Variants in RASSF9 observed in about 807,000 individuals in gnomAD.
RASSF9 encodes ras association domain-containing protein 9.
RASSF9 carries 18 observed loss-of-function variants against 21.4 expected under a neutral mutation model. That is an observed-to-expected ratio of 0.84 (90% CI 0.58 to 1.25). The LOEUF is 1.25. RASSF9 is among the 50% of genes most tolerant of loss of function. The pLI, the probability that RASSF9 is intolerant of heterozygous loss-of-function variation, is 0.00. For synonymous variants in RASSF9, 183 were observed against 179.1 expected, an observed-to-expected ratio of 1.02 and a Z score of -0.18; for missense variants, 480 against 503.2, an observed-to-expected ratio of 0.95 and a Z score of 0.44.
intron 1 of RASSF9, among the ~76,000 whole-genome samples, chr12:85,809,711 A>C (rs930862964): frequency 3.4e-5 from 5 of 145,170 alleles, no homozygotes; most frequent in Admixed American, 2.7e-4. Context: ...GATGATGATG[A>C]TGTATGTGAC....
intron 1 of RASSF9, among the ~76,000 whole-genome samples, chr12:85,831,725 C>A (rs1880455611): frequency 6.6e-6 from 1 of 151,878 alleles, no homozygotes; most frequent in African/African-American, 2.4e-5. Context: ...AATAATTTCC[C>A]ACTCTGCAGA....
rs548718647 is a variant in RASSF9, at chr12:85,806,459, G to C, written c.48-497C>G. 3.3e-5 allele frequency among the ~76,000 whole-genome samples: 5 copies of C among 150,330 alleles called. No homozygotes were observed. In the South Asian group the frequency reaches 8.4e-4, roughly 25 times the overall value. On this transcript the variant is annotated intron_variant, in intron 1 of 1. Coordinates refer to ENST00000361228, the MANE Select transcript of RASSF9 (RefSeq NM_005447.4). ...AGGCCGAGGCGGGTGGATCACCTGA[G>C]GTCAGGAGCTTGAGACCAGCCTGGC...
In RASSF9 at chr12:85,800,848, A is replaced by G. The variant is rs2136546163; in HGVS notation, c.*3854T>C. The G allele has an allele frequency of 6.6e-6, 1 of 152,066 alleles. No individual in the cohort carries two copies. Among genetic ancestry groups the G allele is most frequent in the Admixed American group, 6.5e-5 (1 of 15,278 alleles). 9.4% of individuals were successfully genotyped at this position (152,066 alleles called of 1,614,324 possible). On this transcript the variant is annotated 3_prime_UTR_variant, in exon 2 of 2. Coordinates refer to ENST00000361228, the MANE Select transcript of RASSF9 (RefSeq NM_005447.4). The stretch of plus-strand genomic sequence containing the variant: ...TAGTATTTAAAAACTATATATCAGG[A>G]TAAAATGTATTTCTTTGTCACTAGA...
In RASSF9 at chr12:85,828,181, A is replaced by ATG. The variant is rs1462260721; in HGVS notation, c.47+7972_47+7973dup. On this transcript the variant is annotated intron_variant, in intron 1 of 1. Coordinates refer to ENST00000361228, the MANE Select transcript of RASSF9 (RefSeq NM_005447.4). ...ACTCGATATAAATATATATGTGTGTATGTGTGTGTGTATTTAAGTAGATCA... is the reference window on the plus strand; with the variant it reads ...ACTCGATATAAATATATATGTGTGTATGTGTGTGTGTGTATTTAAGTAGATCA... Among the ~76,000 whole-genome samples the ATG allele has an allele frequency of 3.3e-5, 5 of 152,146 alleles. No homozygotes were observed. In the East Asian group the frequency reaches 7.7e-4, roughly 24 times the overall value.
chr12:85,829,445 T>G (rs1880403325), intron 1 of RASSF9, among the ~76,000 whole-genome samples: 1 of 152,174 alleles, frequency 6.6e-6, no homozygotes, highest in Non-Finnish European at 1.5e-5. Flanking sequence ...CACAAAATTA[T>G]TTTAAATACT....
At chr12:85,823,483 T>C (rs992007840) in intron 1 of RASSF9, among the ~76,000 whole-genome samples, 3 of 152,124 alleles carry the variant, frequency 2.0e-5, no homozygotes, top group African/African-American at 7.2e-5. Context: ...ACATAGTCAA[T>C]AGATGTGGAT....
At chr12:85,820,106 G>A (rs1480446281) in intron 1 of RASSF9, among the ~76,000 whole-genome samples, 2 of 152,088 alleles carry the variant, frequency 1.3e-5, no homozygotes, top group Admixed American at 6.5e-5. Context: ...TATGGTTCAT[G>A]GGCTAGGAAT....
chr12:85,830,850 A>G (rs1030497105), intron 1 of RASSF9, among the ~76,000 whole-genome samples: 3 of 152,144 alleles, frequency 2.0e-5, no homozygotes, highest in Admixed American at 2.0e-4. Flanking sequence ...GTGTAGTACT[A>G]CAACAGACTC....
chr12:85,808,552 A>C (rs904643338), intron 1 of RASSF9, among the ~76,000 whole-genome samples: 1 of 152,104 alleles, frequency 6.6e-6, no homozygotes, highest in African/African-American at 2.4e-5. Context: ...TAAGACACAA[A>C]TACTGTCTAA....
rs369250241 is a variant in RASSF9 at position 85,824,557 on chromosome 12, T to G, written c.47+11598A>C. Among the ~76,000 whole-genome samples the G allele has an allele frequency of 2.0e-3, 303 of 152,288 alleles. 2 individuals carry two copies. The highest frequency in any genetic ancestry group is 6.9e-3 in the African/African-American group (289 of 41,584). On this transcript the variant is annotated intron_variant, in intron 1 of 1. Coordinates refer to ENST00000361228, the MANE Select transcript of RASSF9 (RefSeq NM_005447.4). ...TAAACTGCAAATCTATTTTTTAAAT[T>G]TTTTTATTGAAATCTTTAAACTATT...
At chr12:85,822,106 A>C (rs1388371893) in intron 1 of RASSF9, among the ~76,000 whole-genome samples, 3 of 152,188 alleles carry the variant, frequency 2.0e-5, no homozygotes, top group Non-Finnish European at 4.4e-5. Flanking sequence ...ACCTAGCCTT[A>C]ATGTTTAGTT....
chr12:85,821,311 T>G (rs1044969688), intron 1 of RASSF9, among the ~76,000 whole-genome samples: 1 of 152,134 alleles, frequency 6.6e-6, no homozygotes, highest in East Asian at 1.9e-4. Context: ...ACTGATTAAT[T>G]TTACACAGTA....
chr12:85,812,261 T>C (rs561076694), intron 1 of RASSF9, among the ~76,000 whole-genome samples: 38 of 151,772 alleles, frequency 2.5e-4, no homozygotes, highest in Non-Finnish European at 5.2e-4. Flanking sequence ...ATATGTGTTT[T>C]TGATACCTTA....
In RASSF9 at chr12:85,803,342, A is replaced by G. The variant is rs1879743581; in HGVS notation, c.*1360T>C. 1.3e-5 allele frequency: 2 copies of G among 152,216 alleles called. No individual in the cohort carries two copies. The highest frequency in any genetic ancestry group is 2.9e-5 in the Non-Finnish European group (2 of 68,042). The allele number at this position is 152,216 out of a possible 1,614,324, so 9.4% of individuals were successfully genotyped here. ...AAATAATATTTCTACTTACATGTGC[A>G]GTGACACACAGGAAAGATATCAGCT... On this transcript the variant is annotated 3_prime_UTR_variant, in exon 2 of 2. Transcript: ENST00000361228.
chr12:85,804,657 A>G lies in RASSF9; in HGVS notation c.*45T>C. On this transcript the variant is annotated 3_prime_UTR_variant, in exon 2 of 2. Transcript: ENST00000361228. ...AAAATGAGGTTTCCTATTAAATTAA[A>G]CAAACATTAAAACATGAAAGCAGGT... is the stretch of plus-strand genomic sequence containing the variant. 1.4e-6 allele frequency: 2 copies of G among 1,471,222 alleles called. 1 individual carries two copies. The highest frequency in any genetic ancestry group is 3.6e-4 in the Middle Eastern group (2 of 5,512). The allele number at this position is 1,471,222 out of a possible 1,614,324, so 91.1% of individuals were successfully genotyped here. A position where few individuals can be genotyped will look rare whatever the true frequency, so the allele number is the denominator to read the frequency against.
chr12:85,830,379 T>C (rs1880424265), intron 1 of RASSF9, among the ~76,000 whole-genome samples: 1 of 152,138 alleles, frequency 6.6e-6, no homozygotes, highest in Non-Finnish European at 1.5e-5. Flanking sequence ...CATTTATGGA[T>C]TCATTCTTTA....
intron 1 of RASSF9, among the ~76,000 whole-genome samples, chr12:85,813,737 AC>A (rs1464035499): frequency 6.6e-6 from 1 of 151,752 alleles, no homozygotes; most frequent in African/African-American, 2.4e-5. Flanking sequence ...TGAATACCAA[AC>A]CCTTTCAAAA....
At chr12:85,820,834 A>T (rs1320738825) in intron 1 of RASSF9, among the ~76,000 whole-genome samples, 2 of 152,098 alleles carry the variant, frequency 1.3e-5, no homozygotes, top group African/African-American at 4.8e-5. Context: ...TATGTTCCCC[A>T]ACTTGTTCAG....
rs1292850488 is a variant in RASSF9 at position 85,801,363 on chromosome 12, T to G, written c.*3339A>C. On this transcript the variant is annotated 3_prime_UTR_variant, in exon 2 of 2. Transcript: ENST00000361228. ...AATACGTATTCATTCATGTACAAAA[T>G]GTACAAGCATCATTTACCATCTATA... The G allele has an allele frequency of 6.6e-6, 1 of 151,952 alleles. No individual in the cohort carries two copies. The highest frequency in any genetic ancestry group is 6.6e-5 in the Admixed American group (1 of 15,252). 9.4% of individuals were successfully genotyped at this position (151,952 alleles called of 1,614,324 possible).
Sources: allele counts gnomAD v4.1 joint callset (sites outside exome capture counted in the v4.1 genomes callset), GRCh38; gene constraint gnomAD v4.1.1; transcripts MANE v1.5; gene names NCBI Gene and HGNC (gene_info 2026-07-23, HGNC 2026-07-21).